Variants in DLGAP1 observed in about 807,000 individuals in gnomAD.
The protein encoded by DLGAP1 is disks large-associated protein 1.
DLGAP1 carries 11 observed loss-of-function variants against 90.8 expected under a neutral mutation model. The ratio of observed to expected loss-of-function variants is 0.12; its 90% CI spans 0.08 to 0.20. DLGAP1 has a LOEUF of 0.20. DLGAP1 is among the 10% of genes least tolerant of loss of function. The probability of loss-of-function intolerance (pLI) is 1.00; values close to 1 mark genes in which losing one functional copy is unlikely to be tolerated. For synonymous variants in DLGAP1, 558 were observed against 540.7 expected (o/e 1.03, Z -0.44); for missense variants, 1,050 against 1,333.8 (o/e 0.79, Z 3.31).
intron 1 of DLGAP1, among the ~76,000 whole-genome samples, chr18:4,318,203 C>T (rs938762108): frequency 6.6e-6 from 1 of 152,300 alleles, no homozygotes; most frequent in East Asian, 1.9e-4. Context: ...CCAAATATGG[C>T]AAATGGCTCA....
intron 12 of DLGAP1, among the ~76,000 whole-genome samples, chr18:3,501,287 G>T (rs2059352290): frequency 6.6e-6 from 1 of 151,678 alleles, no homozygotes; most frequent in South Asian, 2.1e-4. Context: ...TTACCAGTAT[G>T]TGTGCATTTG....
intron 5 of DLGAP1, among the ~76,000 whole-genome samples, chr18:3,773,094 T>C (rs746520984): frequency 2.0e-4 from 31 of 152,300 alleles, no homozygotes; most frequent in Non-Finnish European, 4.3e-4. Flanking sequence ...TATTCTTAGA[T>C]GGGACTTAAA....
chr18:4,103,855 A>T lies in DLGAP1; in HGVS notation c.-159+47325T>A, dbSNP rs188626290. 2.5e-3 allele frequency among the ~76,000 whole-genome samples: 378 copies of T among 152,292 alleles called. 2 individuals carry two copies. The South Asian group carries it at 0.027, about 11-fold the overall frequency. On this transcript the variant is annotated intron_variant, in intron 2 of 12. Transcript: ENST00000315677. ...TGTTAACATAGATAAAAAAATTGAT[A>T]TGCTAAATTGAACTAGCTACACATA...
At chr18:3,580,423 C>A in intron 8 of DLGAP1, 1 of 1,613,638 alleles carries the variant, frequency 6.2e-7, no homozygotes. Context: ...CCCAATGTCT[C>A]CTCTGTGGTT....
intron 1 of DLGAP1, among the ~76,000 whole-genome samples, chr18:4,411,377 C>T (rs942573741): frequency 1.3e-5 from 2 of 152,152 alleles, no homozygotes; most frequent in Non-Finnish European, 2.9e-5. Flanking sequence ...GATACAACAT[C>T]ATGGCTGTTT....
intron 1 of DLGAP1, among the ~76,000 whole-genome samples, chr18:4,445,977 AG>A (rs2083655038): frequency 6.6e-6 from 1 of 152,114 alleles, no homozygotes; most frequent in Non-Finnish European, 1.5e-5. Flanking sequence ...AAAACCCCTG[AG>A]GCTCCTTGTC....
At chr18:4,222,999 G>T (rs2078109413) in intron 1 of DLGAP1, among the ~76,000 whole-genome samples, 1 of 152,082 alleles carries the variant, frequency 6.6e-6, no homozygotes, top group South Asian at 2.1e-4. Context: ...CAAATATGTA[G>T]TCTCAGCTAC....
At chr18:3,765,885 A>G (rs1373195237) in intron 5 of DLGAP1, among the ~76,000 whole-genome samples, 1 of 152,168 alleles carries the variant, frequency 6.6e-6, no homozygotes, top group African/African-American at 2.4e-5. Context: ...AAATAAAAAT[A>G]GAATCCTGAA....
chr18:4,088,721 C>T (rs111252039), intron 2 of DLGAP1, among the ~76,000 whole-genome samples: 13 of 152,108 alleles, frequency 8.5e-5, no homozygotes, highest in East Asian at 3.9e-4. Context: ...TCAATAGACA[C>T]GGAAAAGGCC....
chr18:3,734,330 G>T (rs995968813), intron 6 of DLGAP1, among the ~76,000 whole-genome samples: 18 of 151,986 alleles, frequency 1.2e-4, no homozygotes, highest in African/African-American at 4.1e-4. Context: ...ATAGCTCACT[G>T]CAGCCTCAAC....
intron 10 of DLGAP1, among the ~76,000 whole-genome samples, chr18:3,512,982 C>G (rs1229154504): frequency 1.3e-5 from 2 of 152,196 alleles, no homozygotes; most frequent in Non-Finnish European, 2.9e-5. Context: ...AACTTATTCA[C>G]CTTGCATAAC....
intron 7 of DLGAP1, among the ~76,000 whole-genome samples, chr18:3,685,903 G>A (rs1472166466): frequency 6.6e-6 from 1 of 152,218 alleles, no homozygotes; most frequent in East Asian, 1.9e-4. Context: ...GCCGGAGGCA[G>A]TGGCTCATGC....
chr18:3,684,772 C>T, intron 7 of DLGAP1, among the ~76,000 whole-genome samples: 1 of 120,206 alleles, frequency 8.3e-6, no homozygotes, highest in East Asian at 2.7e-4. Flanking sequence ...TCTGATGAAA[C>T]AGGAAAAAAA....
At chr18:4,327,656 T>C (rs2080853009) in intron 1 of DLGAP1, among the ~76,000 whole-genome samples, 1 of 152,088 alleles carries the variant, frequency 6.6e-6, no homozygotes, top group South Asian at 2.1e-4. Context: ...GTATAATGGG[T>C]ACACTCCAGA....
At chr18:3,611,151 C>CT (rs905054350) in intron 7 of DLGAP1, among the ~76,000 whole-genome samples, 4 of 151,656 alleles carry the variant, frequency 2.6e-5, no homozygotes, top group South Asian at 2.1e-4. Context: ...AAAGTGTATA[C>CT]TTTTTTTTCC....
In DLGAP1 at chr18:3,797,572, GAAT is replaced by G. The variant is rs373581253; in HGVS notation, c.1172+16484_1172+16486del. Among the ~76,000 whole-genome samples the G allele has an allele frequency of 4.4e-3, 663 of 152,276 alleles. 3 individuals are homozygous for G. Among genetic ancestry groups the G allele is most frequent in the Middle Eastern group, 0.014 (4 of 294 alleles). On this transcript the variant is annotated intron_variant, in intron 5 of 12. Transcript: ENST00000315677. ...ATGTAGGTCAAAGGATGAAAAATAT[GAAT>G]AATAACAAAAGAAAGAAAGCTTTGT...
intron 2 of DLGAP1, among the ~76,000 whole-genome samples, chr18:4,048,598 C>T (rs944082168): frequency 1.5e-4 from 23 of 152,132 alleles, no homozygotes; most frequent in African/African-American, 4.3e-4. Flanking sequence ...CCTACAATGT[C>T]GATAGACTGA....
Position 3,879,396 on chromosome 18 carries a change from C to A in DLGAP1, c.673G>T (p.Gly225Cys), listed in dbSNP as rs1320034882. The A allele has an allele frequency of 4.3e-6, 7 of 1,612,960 alleles. No individual in the cohort carries two copies. The highest frequency in any genetic ancestry group is 5.9e-6 in the Non-Finnish European group (7 of 1,179,958). The change falls in exon 4 of 13, where the codon GGC becomes TGC. Residue 225 changes from glycine to cysteine, a missense_variant. Physicochemically the swap from Gly to Cys is radical, Grantham distance 159. Coordinates refer to ENST00000315677, the MANE Select transcript of DLGAP1 (RefSeq NM_004746.4). This position sits in a 1 kb window ranked among gnomAD's most constrained non-coding sequence, Gnocchi z 6.6. Reference sequence around the variant, plus strand: ...GAGGCCGAGCGGTCGGGGCACCTGCCCATGGTCATCACGCCCGAGGGGGCG... The same window carrying A: ...GAGGCCGAGCGGTCGGGGCACCTGCACATGGTCATCACGCCCGAGGGGGCG... ...YHAPSGVMTM[G>C]RCPDRSASQY...
At chr18:4,334,527 A>G (rs1288175879) in intron 1 of DLGAP1, among the ~76,000 whole-genome samples, 1 of 151,860 alleles carries the variant, frequency 6.6e-6, no homozygotes, top group African/African-American at 2.4e-5. Context: ...CCTGACTTCA[A>G]TTTGCAAAAG....
Sources: gnomAD v4.1 joint callset for allele counts (sites outside exome capture counted in the v4.1 genomes callset) on GRCh38, gnomAD v4.1.1 for gene constraint, Gnocchi (gnomAD v3.1) non-coding constraint, MANE v1.5 for transcripts, NCBI Gene and HGNC (gene_info 2026-07-23, HGNC 2026-07-21) for gene names.